Variants in KCTD1 observed in about 807,000 individuals in gnomAD.
KCTD1 encodes the protein BTB/POZ domain-containing protein KCTD1.
KCTD1 carries 24 observed loss-of-function variants against 66.0 expected under a neutral mutation model. The ratio of observed to expected loss-of-function variants is 0.36; its 90% confidence interval spans 0.26 to 0.51. KCTD1 has a LOEUF of 0.51. KCTD1 is among the 20% of genes least tolerant of loss of function. The pLI, the probability that KCTD1 is intolerant of heterozygous loss-of-function variation, is 0.95. For missense variants in KCTD1, 943 were observed against 1,205.2 expected (o/e 0.78, Z 3.22); for synonymous variants, 511 against 517.2 (o/e 0.99, Z 0.16).
intron 1 of KCTD1, among the ~76,000 whole-genome samples, chr18:26,604,252 C>CA (rs1986963155): frequency 6.6e-6 from 1 of 152,018 alleles, no homozygotes; most frequent in African/African-American, 2.4e-5. Flanking sequence ...ATTAAAAAGT[C>CA]AAAAAAATAA....
rs184532529 is a variant in KCTD1, at chr18:26,468,900, T to C, written c.2133+7615A>G. On this transcript the variant is annotated intron_variant, in intron 3 of 4. Transcript: ENST00000580059. This position sits in a 1 kb window ranked among gnomAD's most constrained non-coding sequence, Gnocchi z 4.8. Reference sequence around the variant, plus strand: ...GTCCCTCCCAGGTTCAAGAGAAAACTCTGACGAGGAAGAAAGCACCAATAG... The same window carrying C: ...GTCCCTCCCAGGTTCAAGAGAAAACCCTGACGAGGAAGAAAGCACCAATAG... Among the ~76,000 whole-genome samples the C allele has an allele frequency of 7.2e-4, 110 of 152,204 alleles. No homozygotes were observed. Among genetic ancestry groups the C allele is most frequent in the African/African-American group, 2.4e-3 (99 of 41,522 alleles).
chr18:26,515,710 G>A (rs1983622632), intron 1 of KCTD1, among the ~76,000 whole-genome samples: 1 of 151,872 alleles, frequency 6.6e-6, no homozygotes, highest in Non-Finnish European at 1.5e-5. Context: ...GGATTTCACT[G>A]TGTTAGCCAG....
chr18:26,585,454 A>C (rs1293994315), intron 1 of KCTD1, among the ~76,000 whole-genome samples: 3 of 152,228 alleles, frequency 2.0e-5, no homozygotes, highest in Non-Finnish European at 4.4e-5. Context: ...GTTAATTAAC[A>C]TGCAGGGGCC....
At chr18:26,616,261 A>T (rs8084432) in intron 1 of KCTD1, among the ~76,000 whole-genome samples, 54,353 of 150,554 alleles carry the variant, frequency 0.36, 10,619 homozygotes, top group East Asian at 0.52. Flanking sequence ...TGATAGATTG[A>T]TCAAATGCTT....
At chr18:26,506,622 C>T (rs1005324416) in intron 1 of KCTD1, among the ~76,000 whole-genome samples, 6 of 152,228 alleles carry the variant, frequency 3.9e-5, no homozygotes, top group Admixed American at 3.9e-4. Flanking sequence ...GTCTGAGAAC[C>T]ACAGAATTAA....
At chr18:26,618,565 C>T (rs142633211) in intron 1 of KCTD1, among the ~76,000 whole-genome samples, 90 of 152,268 alleles carry the variant, frequency 5.9e-4, no homozygotes, top group African/African-American at 1.6e-3. Flanking sequence ...TAAAGGTGAA[C>T]GAGGAAGGAC....
intron 1 of KCTD1, chr18:26,600,135 G>A: frequency 6.2e-7 from 1 of 1,609,250 alleles, no homozygotes; most frequent in African/African-American, 1.3e-5. Context: ...AAAAGAGGAA[G>A]GCCTGTAAGA....
At position 26,595,657 on chromosome 18, in the gene KCTD1, A is replaced by T. The variant is rs1257031315; in HGVS notation, c.-16+33490T>A. ...TGCCACCACCACCTACCTGAGGCTC[A>T]TCACTGCTGGACTTCTTGGGCTTCC... On this transcript the variant is annotated intron_variant, in intron 1 of 4. Transcript: ENST00000317932. 3.3e-5 allele frequency among the ~76,000 whole-genome samples: 5 copies of T among 152,222 alleles called. No individual in the cohort carries two copies. The South Asian group carries it at 8.3e-4, about 25-fold the overall frequency.
intron 2 of KCTD1, among the ~76,000 whole-genome samples, chr18:26,488,815 G>C (rs79869798): frequency 6.6e-6 from 1 of 152,134 alleles, no homozygotes; most frequent in East Asian, 1.9e-4. Flanking sequence ...TTTGACACTC[G>C]GTAGCAGCAG....
Position 26,546,962 on chromosome 18 carries a change from G to C in KCTD1, c.1575C>G (p.Asp525Glu). 1 of 1,474,908 alleles carries C rather than the reference G, an allele frequency of 6.8e-7. No homozygotes were observed. The allele number at this position is 1,474,908 out of a possible 1,614,324, so 91.4% of individuals were successfully genotyped here. A position where few individuals can be genotyped will look rare whatever the true frequency, so the allele number is the denominator to read the frequency against. ...GCTTGGGCGCAGCCTCGGATTTCACGTCGGGCCCGACCTGGCTGTCTTTGG... is the reference window on the plus strand; with the variant it reads ...GCTTGGGCGCAGCCTCGGATTTCACCTCGGGCCCGACCTGGCTGTCTTTGG... ...ILPKDSQVGPDVKSEAAPKRA... is the reference protein window; with the variant it reads ...ILPKDSQVGPEVKSEAAPKRA... Residue 525 changes from aspartate to glutamate, a missense_variant, in exon 1 of 5, where the codon GAC (aspartate) becomes GAG (glutamate). Physicochemically the swap from Asp to Glu is conservative, Grantham distance 45. Around this residue, in one of 10 missense-constraint regions of KCTD1, gnomAD observed 197 missense variants for 182.7 expected, o/e 1.08. Coordinates refer to ENST00000580059, the MANE Select transcript of KCTD1 (RefSeq NM_001142730.3).
At chr18:26,501,387 C>T in intron 1 of KCTD1, 137 bp from the exon 2 acceptor site, 1 of 724,326 alleles carries the variant, frequency 1.4e-6, no homozygotes, top group Non-Finnish European at 2.1e-6. Flanking sequence ...CAAGCTCTTG[C>T]TTTTGTTATA....
intron 1 of KCTD1, among the ~76,000 whole-genome samples, chr18:26,647,808 G>T (rs928166274): frequency 6.6e-6 from 1 of 150,388 alleles, no homozygotes; most frequent in Non-Finnish European, 1.5e-5. Flanking sequence ...GGTGATAGCC[G>T]TTTAACAAAT....
chr18:26,537,444 T>A (rs1984760771), intron 1 of KCTD1, among the ~76,000 whole-genome samples: 1 of 152,182 alleles, frequency 6.6e-6, no homozygotes, highest in Non-Finnish European at 1.5e-5. Flanking sequence ...AGGTAATAAA[T>A]CCCTGCACTG....
In KCTD1 at chr18:26,468,625, A is replaced by G. The variant is rs12454296; in HGVS notation, c.2133+7890T>C. Among the ~76,000 whole-genome samples the G allele has an allele frequency of 0.021, 3,187 of 152,232 alleles. 47 individuals are homozygous for G. Among genetic ancestry groups the G allele is most frequent in the Middle Eastern group, 0.065 (19 of 292 alleles). On this transcript the variant is annotated intron_variant, in intron 3 of 4. Transcript: ENST00000580059. The surrounding 1 kb of genome is among the most constrained non-coding windows in gnomAD (Gnocchi z 4.8). ...GGTGGGCGGATCATTTGAGGTCAGG[A>G]GTTTGAGACCAGCCTGGCCAACATG... is the stretch of plus-strand genomic sequence containing the variant.
intron 1 of KCTD1, among the ~76,000 whole-genome samples, chr18:26,531,557 T>A (rs1341047637): frequency 6.6e-6 from 1 of 152,162 alleles, no homozygotes; most frequent in Non-Finnish European, 1.5e-5. Flanking sequence ...GTATCAAAAT[T>A]CAAAACGGGA....
intron 1 of KCTD1, among the ~76,000 whole-genome samples, chr18:26,627,298 G>A (rs1415170299): frequency 9.3e-6 from 1 of 107,986 alleles, no homozygotes; most frequent in African/African-American, 3.1e-5. Flanking sequence ...GTGTGTGTGT[G>A]TGTGCCTATA....
chr18:26,467,695 A>G (rs1175267840), intron 3 of KCTD1, among the ~76,000 whole-genome samples: 1 of 151,820 alleles, frequency 6.6e-6, no homozygotes, highest in Non-Finnish European at 1.5e-5. Context: ...GGTGCCTGTA[A>G]TCCCAGCTAC....
chr18:26,616,397 T>C (rs1174720899), intron 1 of KCTD1, among the ~76,000 whole-genome samples: 2 of 151,932 alleles, frequency 1.3e-5, no homozygotes, highest in African/African-American at 4.8e-5. Flanking sequence ...CCTATTTCTT[T>C]TTTACTCTGT....
At chr18:26,571,464 A>C (rs1986104226) in intron 1 of KCTD1, among the ~76,000 whole-genome samples, 2 of 152,190 alleles carry the variant, frequency 1.3e-5, no homozygotes, top group African/African-American at 4.8e-5. Context: ...AGGATGCTCA[A>C]GTTACTGATA....
Sources: allele counts gnomAD v4.1 joint callset (sites outside exome capture counted in the v4.1 genomes callset), GRCh38; gene constraint gnomAD v4.1.1; regional missense constraint gnomAD v4.1.1; non-coding constraint Gnocchi (gnomAD v3.1); transcripts MANE v1.5; gene names NCBI Gene and HGNC (gene_info 2026-07-23, HGNC 2026-07-21).